The following GRK4 variants were observed in gnomAD, a reference collection of about 807,000 sequenced individuals.
The protein encoded by GRK4 is G protein-coupled receptor kinase 4, also known as G protein-coupled receptor kinase 2-like.
In GRK4, 73 loss-of-function variants were observed where a neutral mutation model predicts 77.9. The ratio of observed to expected loss-of-function variants is 0.94; its 90% CI spans 0.78 to 1.14. The LOEUF (loss-of-function observed/expected upper bound fraction) is 1.14. GRK4 is among the 50% of genes most tolerant of loss of function. The pLI is 0.00. For missense variants in GRK4, 729 were observed against 700.2 expected, an observed-to-expected ratio of 1.04 and a Z score of -0.46; for synonymous variants, 257 against 254.4, an observed-to-expected ratio of 1.01 and a Z score of -0.10.
At chr4:2,976,998 C>T (rs1248750583) in intron 1 of GRK4, among the ~76,000 whole-genome samples, 1 of 152,202 alleles carries the variant, frequency 6.6e-6, no homozygotes, top group African/African-American at 2.4e-5. Flanking sequence ...CTTGAGGCAG[C>T]AGTATGGGTG....
At chr4:3,034,266 G>C (rs1162295755) in intron 12 of GRK4, among the ~76,000 whole-genome samples, 1 of 152,182 alleles carries the variant, frequency 6.6e-6, no homozygotes, top group Non-Finnish European at 1.5e-5. Flanking sequence ...AGCTGAGAGC[G>C]GTGGGAGATA....
intron 13 of GRK4, among the ~76,000 whole-genome samples, chr4:3,037,065 GTGTGTA>G (rs1399699525): frequency 1.9e-3 from 202 of 106,766 alleles, no homozygotes; most frequent in Non-Finnish European, 2.6e-3. Context: ...GTGTGTGTGT[GTGTGTA>G]TGTGTGTGTG....
intron 7 of GRK4, among the ~76,000 whole-genome samples, chr4:3,010,372 A>G (rs1714052198): frequency 6.6e-6 from 1 of 152,092 alleles, no homozygotes; most frequent in Non-Finnish European, 1.5e-5. Flanking sequence ...TATTACAGGC[A>G]TGCGCCACCA....
intron 2 of GRK4, among the ~76,000 whole-genome samples, chr4:2,985,398 C>G (rs948526540): frequency 1.3e-4 from 16 of 119,360 alleles, no homozygotes; most frequent in African/African-American, 5.4e-4. Context: ...AAGACTCTGT[C>G]TCAAAAAAAA....
Position 2,964,023 on chromosome 4 carries a change from C to T in GRK4, c.-48C>T, listed in dbSNP as rs1716542984. On this transcript the variant is annotated 5_prime_UTR_variant, in exon 1 of 16. Coordinates refer to ENST00000398052, the MANE Select transcript of GRK4 (RefSeq NM_182982.3). ...GGCGTCTCCTCCTGTTCCGCCTCCT[C>T]AGTCTCCTCGGTCTCGCAGAATCCG... The T allele has an allele frequency of 1.9e-6, 3 of 1,575,918 alleles. No homozygotes were observed. The highest frequency in any genetic ancestry group is 1.7e-4 in the Middle Eastern group (1 of 6,010).
At chr4:3,005,091 T>C (rs1345666036) in intron 5 of GRK4, among the ~76,000 whole-genome samples, 2 of 151,592 alleles carry the variant, frequency 1.3e-5, no homozygotes, top group African/African-American at 4.9e-5. Flanking sequence ...AAAAACATCT[T>C]TTTTCAGGGC....
intron 13 of GRK4, 152 bp from the exon 14 acceptor site, chr4:3,037,222 T>C: frequency 1.4e-6 from 1 of 739,910 alleles, no homozygotes; most frequent in South Asian, 2.1e-5. Flanking sequence ...ATTTAGAAAA[T>C]GCCTCAAGTG....
At chr4:2,977,974 C>A (rs1721711911) in intron 1 of GRK4, among the ~76,000 whole-genome samples, 1 of 152,190 alleles carries the variant, frequency 6.6e-6, no homozygotes, top group Non-Finnish European at 1.5e-5. Flanking sequence ...ATGTTTTCCC[C>A]CATTCCATGG....
At chr4:2,988,325 G>A (rs569552961) in intron 2 of GRK4, among the ~76,000 whole-genome samples, 2 of 152,188 alleles carry the variant, frequency 1.3e-5, no homozygotes, top group East Asian at 3.9e-4. Context: ...ATGATGTTGA[G>A]CATATTTTCA....
chr4:2,975,553 C>T (rs1217549732), intron 1 of GRK4, among the ~76,000 whole-genome samples: 2 of 152,148 alleles, frequency 1.3e-5, no homozygotes, highest in Admixed American at 6.5e-5. Flanking sequence ...TGATTAGCGC[C>T]CAGTTCTGCC....
intron 3 of GRK4, among the ~76,000 whole-genome samples, chr4:2,991,103 A>C (rs955951233): frequency 6.6e-6 from 1 of 152,206 alleles, no homozygotes; most frequent in Non-Finnish European, 1.5e-5. Flanking sequence ...ATTTATTGCA[A>C]GGAATTGGCT....
At chr4:3,008,739 G>T (rs1732030879) in intron 6 of GRK4, among the ~76,000 whole-genome samples, 1 of 151,074 alleles carries the variant, frequency 6.6e-6, no homozygotes, top group Admixed American at 6.6e-5. Flanking sequence ...GGAGGTGGAG[G>T]TTGCAGTGAG....
At chr4:3,018,854 G>C (rs1404973577) in intron 8 of GRK4, among the ~76,000 whole-genome samples, 1 of 152,152 alleles carries the variant, frequency 6.6e-6, no homozygotes, top group Non-Finnish European at 1.5e-5. Context: ...ACTCCAGCCT[G>C]GGCGACAGAG....
intron 2 of GRK4, among the ~76,000 whole-genome samples, chr4:2,986,629 C>T (rs1724468733): frequency 6.6e-6 from 1 of 152,110 alleles, no homozygotes; most frequent in Non-Finnish European, 1.5e-5. Flanking sequence ...GCTGGGATTA[C>T]AGACCTGAGC....
intron 1 of GRK4, chr4:2,971,226 G>T (rs1016174792): frequency 6.6e-6 from 1 of 152,190 alleles, no homozygotes; most frequent in Non-Finnish European, 1.5e-5. Flanking sequence ...TAAATATGTG[G>T]TTAATTGATA....
At chr4:2,975,525 C>T (rs888681948) in intron 1 of GRK4, among the ~76,000 whole-genome samples, 1 of 152,094 alleles carries the variant, frequency 6.6e-6, no homozygotes, top group Non-Finnish European at 1.5e-5. Flanking sequence ...GGGCCCTGTG[C>T]GGGTGGGGAA....
At chr4:3,035,177 T>G (rs975211467) in intron 12 of GRK4, among the ~76,000 whole-genome samples, 33 of 151,860 alleles carry the variant, frequency 2.2e-4, no homozygotes, top group Admixed American at 1.2e-3. Context: ...CCCGGGAGGC[T>G]GAGCTTGCAG....
At chr4:2,975,696 C>T (rs762215927) in intron 1 of GRK4, among the ~76,000 whole-genome samples, 4 of 152,180 alleles carry the variant, frequency 2.6e-5, no homozygotes, top group South Asian at 2.1e-4. Context: ...CCCACTTCTA[C>T]GGATTTAAGT....
At chr4:3,014,788 C>T (rs1276705014) in intron 8 of GRK4, among the ~76,000 whole-genome samples, 4 of 151,946 alleles carry the variant, frequency 2.6e-5, no homozygotes, top group Non-Finnish European at 5.9e-5. Context: ...CAGAGCGAGA[C>T]TCCGTTTCAA....
Sources: allele counts gnomAD v4.1 joint callset (sites outside exome capture counted in the v4.1 genomes callset), GRCh38; gene constraint gnomAD v4.1.1; transcripts MANE v1.5; gene names NCBI Gene and HGNC (gene_info 2026-07-23, HGNC 2026-07-21).